The following MEF2C variants were observed in gnomAD, a reference collection of about 807,000 sequenced individuals.
MEF2C encodes myocyte-specific enhancer factor 2C.
In MEF2C, 6 loss-of-function variants were observed where a neutral mutation model predicts 50.5. That is an observed-to-expected ratio of 0.12 (90% CI 0.07 to 0.23). The LOEUF is 0.23. Among genes scored for constraint, MEF2C ranks in the 10% least tolerant of loss-of-function variants. The probability of loss-of-function intolerance (pLI) is 1.00; values close to 1 mark genes in which losing one functional copy is unlikely to be tolerated. For missense variants in MEF2C, 276 were observed against 605.0 expected (o/e 0.46, Z 5.70); for synonymous variants, 183 against 228.0 (o/e 0.80, Z 1.78).
chr5:88,835,174 A>G (rs747548327), intron 1 of MEF2C, among the ~76,000 whole-genome samples: 14 of 152,212 alleles, frequency 9.2e-5, no homozygotes, highest in Admixed American at 3.9e-4. Context: ...ATACAATGCA[A>G]AATTTCTGCA....
intron 7 of MEF2C, chr5:88,731,517 G>T: frequency 2.0e-6 from 1 of 496,248 alleles, no homozygotes; most frequent in Non-Finnish European, 3.6e-6. Context: ...AAGTTCACCA[G>T]ATATATATAT....
intron 2 of MEF2C, among the ~76,000 whole-genome samples, chr5:88,819,615 C>G (rs974536693): frequency 4.6e-5 from 7 of 152,064 alleles, no homozygotes; most frequent in African/African-American, 1.4e-4. Flanking sequence ...TTCTCCAACC[C>G]TGATGTAAAT....
chr5:88,896,013 C>T (rs1227741998), intron 1 of MEF2C, among the ~76,000 whole-genome samples: 1 of 152,120 alleles, frequency 6.6e-6, no homozygotes, highest in Non-Finnish European at 1.5e-5. Flanking sequence ...TTAGGGAGCA[C>T]TTTCAGTATG....
chr5:88,821,978 AT>A (rs1238934168), intron 2 of MEF2C, among the ~76,000 whole-genome samples: 1 of 151,926 alleles, frequency 6.6e-6, no homozygotes, highest in Non-Finnish European at 1.5e-5. Flanking sequence ...AATTACCCTG[AT>A]TTTGATCACT....
intron 3 of MEF2C, among the ~76,000 whole-genome samples, chr5:88,782,612 A>G (rs1294657885): frequency 6.6e-6 from 1 of 152,262 alleles, no homozygotes; most frequent in Non-Finnish European, 1.5e-5. Flanking sequence ...ATTAGTGCAA[A>G]CTAAAATTAT....
At chr5:88,808,644 AAATTT>A (rs1801517867) in intron 2 of MEF2C, among the ~76,000 whole-genome samples, 1 of 152,162 alleles carries the variant, frequency 6.6e-6, no homozygotes, top group Non-Finnish European at 1.5e-5. Flanking sequence ...TAATTGCTCT[AAATTT>A]AATTCTGCAT....
intron 3 of MEF2C, among the ~76,000 whole-genome samples, chr5:88,792,980 A>G (rs1794466451): frequency 6.6e-6 from 1 of 152,054 alleles, no homozygotes; most frequent in African/African-American, 2.4e-5. Flanking sequence ...TGAGGAGGTA[A>G]CTTTCTCTAG....
At chr5:88,741,317 G>A (rs1766652576) in intron 6 of MEF2C, 1 of 983,826 alleles carries the variant, frequency 1.0e-6, no homozygotes, top group Admixed American at 6.2e-5. Flanking sequence ...GGCAGAAACT[G>A]TGCTAGACCC....
At chr5:88,829,742 G>GA (rs1812316846) in intron 1 of MEF2C, among the ~76,000 whole-genome samples, 1 of 151,992 alleles carries the variant, frequency 6.6e-6, no homozygotes, top group South Asian at 2.1e-4. Flanking sequence ...TTTGGGGTCA[G>GA]AAAAAACAGG....
chr5:88,825,048 C>G (rs2153224073), intron 1 of MEF2C: 1 of 151,982 alleles, frequency 6.6e-6, no homozygotes, highest in East Asian at 1.9e-4. Flanking sequence ...ACACACTGCT[C>G]AGAATTTCCC....
In MEF2C at chr5:88,722,344, G is replaced by C. The variant is rs912035747; in HGVS notation, c.*260C>G. On this transcript the variant is annotated 3_prime_UTR_variant, in exon 11 of 11. Transcript: ENST00000504921. ...ACATTTTGCAAAGGAGCACAACAGT[G>C]AAAAGAAGTTAGCCTTAAAATCTAT... 1 of 405,430 alleles carries C rather than the reference G, an allele frequency of 2.5e-6. No homozygotes were observed. The highest frequency in any genetic ancestry group is 2.0e-5 in the African/African-American group (1 of 50,164). The allele number at this position is 405,430 out of a possible 1,614,324, so 25.1% of individuals were successfully genotyped here. A position where few individuals can be genotyped will look rare whatever the true frequency, so the allele number is the denominator to read the frequency against.
intron 3 of MEF2C, among the ~76,000 whole-genome samples, chr5:88,774,416 A>G (rs1783849973): frequency 6.8e-6 from 1 of 147,874 alleles, no homozygotes; most frequent in Admixed American, 6.8e-5. Flanking sequence ...TCCGCCTTCC[A>G]GGTTCAGGCC....
intron 3 of MEF2C, among the ~76,000 whole-genome samples, chr5:88,793,948 C>G (rs1421978050): frequency 6.6e-6 from 1 of 152,076 alleles, no homozygotes; most frequent in Non-Finnish European, 1.5e-5. Flanking sequence ...TCCAGCTTCA[C>G]CCAGGTCCCT....
chr5:88,832,468 C>T (rs1813435899), intron 1 of MEF2C, among the ~76,000 whole-genome samples: 1 of 151,868 alleles, frequency 6.6e-6, no homozygotes, highest in South Asian at 2.1e-4. Flanking sequence ...TCACATATGC[C>T]CAATTGTAAG....
chr5:88,777,499 G>C (rs1402484457), intron 3 of MEF2C, among the ~76,000 whole-genome samples: 1 of 152,120 alleles, frequency 6.6e-6, no homozygotes, highest in Non-Finnish European at 1.5e-5. Flanking sequence ...ACCCATGAAT[G>C]AGCTCCAGAA....
At chr5:88,845,840 C>T (rs1206914517) in intron 1 of MEF2C, among the ~76,000 whole-genome samples, 1 of 152,114 alleles carries the variant, frequency 6.6e-6, no homozygotes, top group Non-Finnish European at 1.5e-5. Context: ...AAGTGATTCT[C>T]CTGCCTCAGC....
At chr5:88,828,067 C>A (rs1161985418) in intron 1 of MEF2C, among the ~76,000 whole-genome samples, 2 of 151,914 alleles carry the variant, frequency 1.3e-5, no homozygotes, top group African/African-American at 4.8e-5. Context: ...CTATTAGGTT[C>A]TTTCTAACAT....
Position 88,858,798 on chromosome 5 carries a change from T to A in MEF2C, c.-143+24157A>T, listed in dbSNP as rs186214628. ...ATTAAGGAATAAAAAACGCTATTTT[T>A]AAAAAAAACATAAACTAAGAATACT... On this transcript the variant is annotated intron_variant, in intron 1 of 10. Transcript: ENST00000504921. Among the ~76,000 whole-genome samples, 751 of 152,162 alleles carry A rather than the reference T, an allele frequency of 4.9e-3. 3 individuals are homozygous for A. Among genetic ancestry groups the A allele is most frequent in the African/African-American group, 0.017 (716 of 41,536 alleles).
At chr5:88,802,775 A>C (rs888469887) in intron 3 of MEF2C, among the ~76,000 whole-genome samples, 3 of 152,182 alleles carry the variant, frequency 2.0e-5, no homozygotes, top group Admixed American at 1.3e-4. Flanking sequence ...AGTTGCCTTC[A>C]AGTCATATAA....
Sources: gnomAD v4.1 joint callset for allele counts (sites outside exome capture counted in the v4.1 genomes callset) on GRCh38, gnomAD v4.1.1 for gene constraint, MANE v1.5 for transcripts, NCBI Gene and HGNC (gene_info 2026-07-23, HGNC 2026-07-21) for gene names.